The following IFT80 variants were observed in gnomAD, a reference collection of about 807,000 sequenced individuals.
IFT80 encodes intraflagellar transport 80.
Under a neutral mutation model 107.9 loss-of-function variants are expected in IFT80, and 79 were observed. That is an observed-to-expected ratio of 0.73 (90% CI 0.61 to 0.88). The LOEUF (loss-of-function observed/expected upper bound fraction) is 0.88. Among genes scored for constraint, IFT80 ranks in the 40% least tolerant of loss-of-function variants. IFT80 has a pLI of 0.00. For synonymous variants in IFT80, 299 were observed against 300.9 expected, an observed-to-expected ratio of 0.99 and a Z score of 0.07; for missense variants, 797 against 914.2, an observed-to-expected ratio of 0.87 and a Z score of 1.65.
chr3:160,356,947 A>G (rs1721134516), intron 7 of IFT80, among the ~76,000 whole-genome samples: 1 of 152,192 alleles, frequency 6.6e-6, no homozygotes, highest in African/African-American at 2.4e-5. Flanking sequence ...TCCTCTCTAC[A>G]AATTATTTTG....
intron 8 of IFT80, among the ~76,000 whole-genome samples, chr3:160,343,277 AAACGAATATTC>A (rs1720050716): frequency 6.6e-6 from 1 of 152,184 alleles, no homozygotes; most frequent in Non-Finnish European, 1.5e-5. Flanking sequence ...TATAATGCTT[AAACGAATATTC>A]AAAGACAGAG....
chr3:160,352,880 T>G (rs1319806161), intron 8 of IFT80, among the ~76,000 whole-genome samples: 1 of 152,162 alleles, frequency 6.6e-6, no homozygotes, highest in Non-Finnish European at 1.5e-5. Context: ...ACTTCCCTAT[T>G]ATTCAGGCCA....
chr3:160,346,029 G>C (rs1720267305), intron 8 of IFT80, among the ~76,000 whole-genome samples: 1 of 152,030 alleles, frequency 6.6e-6, no homozygotes, highest in African/African-American at 2.4e-5. Flanking sequence ...CACCTACTGT[G>C]TATCTACAAA....
At chr3:160,299,741 T>C (rs1415541412) in intron 12 of IFT80, among the ~76,000 whole-genome samples, 1 of 152,168 alleles carries the variant, frequency 6.6e-6, no homozygotes, top group Non-Finnish European at 1.5e-5. Flanking sequence ...GCCTTGGACT[T>C]GTTTATCCTA....
intron 9 of IFT80, among the ~76,000 whole-genome samples, chr3:160,308,363 A>G (rs958857034): frequency 1.3e-5 from 2 of 152,160 alleles, no homozygotes; most frequent in Non-Finnish European, 2.9e-5. Flanking sequence ...AGCAACTAAC[A>G]GAGAGATTTG....
At chr3:160,309,429 G>A (rs1376866142) in intron 9 of IFT80, among the ~76,000 whole-genome samples, 2 of 152,152 alleles carry the variant, frequency 1.3e-5, no homozygotes, top group African/African-American at 4.8e-5. Context: ...GGTGGCTCAC[G>A]CCTGTCATCC....
chr3:160,306,212 G>C (rs1424892021), intron 10 of IFT80, among the ~76,000 whole-genome samples: 3 of 152,102 alleles, frequency 2.0e-5, no homozygotes, highest in African/African-American at 2.4e-5. Context: ...GGGAAAAGTA[G>C]AGTGACCAAA....
chr3:160,336,638 T>C (rs1333407513), intron 8 of IFT80, among the ~76,000 whole-genome samples: 1 of 152,110 alleles, frequency 6.6e-6, no homozygotes, highest in Non-Finnish European at 1.5e-5. Flanking sequence ...AGGGATCATC[T>C]ATTGTAATAT....
At position 160,310,217 on chromosome 3, in the gene IFT80, C is replaced by G. The variant is rs529548618; in HGVS notation, c.958-2436G>C. On this transcript the variant is annotated intron_variant, in intron 9 of 19. Transcript: ENST00000326448. ...AATGTACAAAAGAAGCCTGAAACAT[C>G]TTGTCACATCAGAAAGCAACGAAGC... 8.5e-5 allele frequency among the ~76,000 whole-genome samples: 13 copies of G among 152,290 alleles called. No homozygotes were observed. The South Asian group carries it at 2.7e-3, about 32-fold the overall frequency.
chr3:160,308,194 C>T (rs972676177), intron 9 of IFT80, among the ~76,000 whole-genome samples: 3 of 152,070 alleles, frequency 2.0e-5, no homozygotes, highest in Non-Finnish European at 4.4e-5. Context: ...TTAAAATATA[C>T]ATTCTAAAAG....
intron 8 of IFT80, among the ~76,000 whole-genome samples, chr3:160,338,292 G>C (rs1719641271): frequency 6.6e-6 from 1 of 152,118 alleles, no homozygotes; most frequent in South Asian, 2.1e-4. Context: ...CATTGGCCTG[G>C]CACCAACTGC....
Position 160,280,616 on chromosome 3 carries a change from TATTAG to T in IFT80, c.1664+46_1664+50del, listed in dbSNP as rs762359374. 39 of 1,478,280 alleles carry T rather than the reference TATTAG, an allele frequency of 2.6e-5. No individual in the cohort carries two copies. In the Admixed American group the frequency reaches 4.4e-4, roughly 17 times the overall value. The allele number at this position is 1,478,280 out of a possible 1,614,324, so 91.6% of individuals were successfully genotyped here. ...AAATAGAAGCCAAAACATGATACTCTATTAGAGTTTTATTTACTACAAAACAGAAT... is the reference window on the plus strand; with the variant it reads ...AAATAGAAGCCAAAACATGATACTCTAGTTTTATTTACTACAAAACAGAAT... On this transcript the variant is annotated intron_variant, in intron 15 of 19. Coordinates refer to ENST00000326448, the MANE Select transcript of IFT80 (RefSeq NM_020800.3).
rs773877185 is a variant in IFT80, at chr3:160,300,930, G to C, written c.1268C>G (p.Ser423Cys). The change falls in exon 12 of 20, where the codon TCT becomes TGT. Residue 423 changes from serine to cysteine, a missense_variant. By Grantham distance (112) the Ser-to-Cys change is moderately radical. Coordinates refer to ENST00000326448, the MANE Select transcript of IFT80 (RefSeq NM_020800.3). ...TATTGCTATGGTATCATTACTCAAA[G>C]ACACAGTCTGTGCATTCAGAATATC... ...RTDILNAQTV[S>C]LSNDTIAIRD... 4.3e-6 allele frequency: 7 copies of C among 1,610,676 alleles called. No homozygotes were observed. In the East Asian group the frequency reaches 1.3e-4, roughly 31 times the overall value.
At chr3:160,389,605 T>G (rs1446120347) in intron 1 of IFT80, among the ~76,000 whole-genome samples, 15 of 151,270 alleles carry the variant, frequency 9.9e-5, no homozygotes, top group Non-Finnish European at 2.1e-4. Flanking sequence ...CTTCCGATAG[T>G]TTACTGAGAA....
At chr3:160,268,693 C>A (rs1713549599) in intron 18 of IFT80, 157 bp from the exon 19 acceptor site, 3 of 678,454 alleles carry the variant, frequency 4.4e-6, no homozygotes, top group Non-Finnish European at 7.7e-6. Context: ...CAAATTCCTA[C>A]TTATATACTT....
At chr3:160,271,014 AATATG>A (rs1362112516) in intron 18 of IFT80, among the ~76,000 whole-genome samples, 5 of 152,144 alleles carry the variant, frequency 3.3e-5, no homozygotes, top group African/African-American at 1.2e-4. Context: ...GAAAGAATAG[AATATG>A]ATGTCTAATC....
intron 8 of IFT80, among the ~76,000 whole-genome samples, chr3:160,324,581 C>A (rs564456021): frequency 1.3e-5 from 2 of 152,058 alleles, no homozygotes; most frequent in Middle Eastern, 3.4e-3. Flanking sequence ...ATTCAACAAC[C>A]CTTCATGCTA....
intron 19 of IFT80, among the ~76,000 whole-genome samples, chr3:160,259,977 T>C (rs1234115635): frequency 1.3e-5 from 2 of 152,244 alleles, no homozygotes; most frequent in African/African-American, 2.4e-5. Flanking sequence ...CTCAGTCTGC[T>C]TGAACAGATT....
At position 160,301,012 on chromosome 3, in the gene IFT80, A is replaced by C; in HGVS notation, c.1186T>G (p.Leu396Val). The change falls in exon 12 of 20, where the codon TTA becomes GTA. Residue 396 changes from leucine to valine, a missense_variant. Transcript: ENST00000326448. ...ATAAAGCGCCCTTCATATGAATATA[A>C]ATAGATACTACTACCATCTACAAGA... The part of the protein sequence containing the change: ...FLLVDGSSIY[L>V]YSYEGRFISS... The C allele has an allele frequency of 6.3e-7, 1 of 1,594,030 alleles. No homozygotes were observed. Among genetic ancestry groups the C allele is most frequent in the Non-Finnish European group, 8.6e-7 (1 of 1,165,334 alleles).
Sources: gnomAD v4.1 joint callset for allele counts (sites outside exome capture counted in the v4.1 genomes callset) on GRCh38, gnomAD v4.1.1 for gene constraint, MANE v1.5 for transcripts, NCBI Gene and HGNC (gene_info 2026-07-23, HGNC 2026-07-21) for gene names.